Variants in OTUD7A observed in about 807,000 individuals in gnomAD.
OTUD7A encodes the protein OTU domain-containing protein 7A.
OTUD7A carries 12 observed loss-of-function variants against 65.7 expected under a neutral mutation model. The ratio of observed to expected loss-of-function variants is 0.18; its 90% CI spans 0.12 to 0.30. OTUD7A has a LOEUF of 0.30. OTUD7A is among the 10% of genes least tolerant of loss of function. The pLI is 1.00. For synonymous variants in OTUD7A, 641 were observed against 586.3 expected, an observed-to-expected ratio of 1.09 and a Z score of -1.35; for missense variants, 1,148 against 1,304.8, an observed-to-expected ratio of 0.88 and a Z score of 1.85.
chr15:31,623,401 A>C (rs563585053), intron 3 of OTUD7A, among the ~76,000 whole-genome samples: 4 of 152,336 alleles, frequency 2.6e-5, no homozygotes, highest in Admixed American at 6.5e-5. Context: ...GTTGAGCTGC[A>C]GTGGGCTCCA....
At position 31,614,647 on chromosome 15, in the gene OTUD7A, A is replaced by C. The variant is rs978197702; in HGVS notation, c.151+40449T>G. On this transcript the variant is annotated intron_variant, in intron 3 of 12. Coordinates refer to ENST00000307050, the MANE Select transcript of OTUD7A (RefSeq NM_001382637.1). Reference sequence around the variant, plus strand: ...GATGCAAAATAAAAAAAAATTTCAGACACTTATCACCAGGGGACCACACTA... The same window carrying C: ...GATGCAAAATAAAAAAAAATTTCAGCCACTTATCACCAGGGGACCACACTA... Among the ~76,000 whole-genome samples, 6 of 152,292 alleles carry C rather than the reference A, an allele frequency of 3.9e-5. No homozygotes were observed. In the South Asian group the frequency reaches 1.2e-3, roughly 32 times the overall value.
At chr15:31,821,133 C>CTTTTTTTTTT (rs35732957) in intron 1 of OTUD7A, among the ~76,000 whole-genome samples, 2 of 97,466 alleles carry the variant, frequency 2.1e-5, no homozygotes, top group Non-Finnish European at 3.9e-5. Flanking sequence ...TTTTTCATTT[C>CTTTTTTTTTT]TTTTTTTTTT....
chr15:31,484,690 G>A lies in OTUD7A; in HGVS notation c.1406C>T (p.Ser469Leu). Residue 469 changes from serine to leucine, a missense_variant, in exon 13 of 13, where the codon TCG (serine) becomes TTG (leucine). Coordinates refer to ENST00000307050, the MANE Select transcript of OTUD7A (RefSeq NM_001382637.1). The surrounding 1 kb of genome is among the most constrained non-coding windows in gnomAD (Gnocchi z 4.5). ...PLAQPESPTA[S>L]AGEDVQSLAD... ...CAGGGACTGCACGTCCTCCCCTGCC[G>A]AGGCCGTGGGAGACTCCGGCTGTGC... 3 of 1,583,862 alleles carry A rather than the reference G, an allele frequency of 1.9e-6. No individual in the cohort carries two copies. The highest frequency in any genetic ancestry group is 1.7e-6 in the Non-Finnish European group (2 of 1,169,954).
chr15:31,508,244 TG>T (rs1471547288), intron 8 of OTUD7A, among the ~76,000 whole-genome samples: 2 of 152,258 alleles, frequency 1.3e-5, no homozygotes, highest in Admixed American at 1.3e-4. Flanking sequence ...TTGAGTATAG[TG>T]GGTCCTTTTT....
chr15:31,664,944 CTT>C lies in OTUD7A; in HGVS notation c.-99-7869_-99-7868del, dbSNP rs1484713197. 2.0e-5 allele frequency among the ~76,000 whole-genome samples: 3 copies of C among 152,124 alleles called. No individual in the cohort carries two copies. The East Asian group carries it at 5.8e-4, about 29-fold the overall frequency. Reference sequence around the variant, plus strand: ...TTTCCCTACTTTATGTTTTTGTTTGCTTTGTCAAAGATCAGTTGGCTGTAAGT... The same window carrying C: ...TTTCCCTACTTTATGTTTTTGTTTGCTGTCAAAGATCAGTTGGCTGTAAGT... On this transcript the variant is annotated intron_variant, in intron 1 of 12. Coordinates refer to ENST00000307050, the MANE Select transcript of OTUD7A (RefSeq NM_001382637.1).
intron 1 of OTUD7A, among the ~76,000 whole-genome samples, chr15:31,681,900 C>G (rs1346216880): frequency 1.3e-5 from 2 of 151,824 alleles, no homozygotes; most frequent in African/African-American, 4.9e-5. Context: ...AGTATTTGGG[C>G]TGCTGGCCTA....
intron 1 of OTUD7A, among the ~76,000 whole-genome samples, chr15:31,832,160 C>A (rs1896949698): frequency 6.6e-6 from 1 of 152,214 alleles, no homozygotes; most frequent in Admixed American, 6.5e-5. Context: ...GGAGCCCTTA[C>A]CTCCAAGCTT....
intron 1 of OTUD7A, among the ~76,000 whole-genome samples, chr15:31,722,826 A>G (rs1893777218): frequency 6.6e-6 from 1 of 152,230 alleles, no homozygotes; most frequent in Admixed American, 6.5e-5. Context: ...CATCCCAGAG[A>G]CAGCAATACA....
At chr15:31,562,520 T>C (rs892384348) in intron 4 of OTUD7A, among the ~76,000 whole-genome samples, 5 of 151,568 alleles carry the variant, frequency 3.3e-5, no homozygotes, top group African/African-American at 1.2e-4. Flanking sequence ...CTCACTCCTA[T>C]CTCCAGATGA....
At position 31,484,294 on chromosome 15, in the gene OTUD7A, T is replaced by G. The variant is rs745353645; in HGVS notation, c.1802A>C (p.Lys601Thr). The G allele has an allele frequency of 6.3e-7, 1 of 1,595,670 alleles. No homozygotes were observed. The highest frequency in any genetic ancestry group is 2.2e-5 in the East Asian group (1 of 44,564). ...CTCCGCCGGCGACGCGCCCGCTGCC[T>G]TGTCTGTGGGCGACGGCGTGGTCTT... is the stretch of plus-strand genomic sequence containing the variant. ...SEKTTPSPTD[K>T]AAGASPAEKG... Residue 601 changes from lysine to threonine, a missense_variant, in exon 13 of 13, where the codon AAG (lysine) becomes ACG (threonine). This residue lies in a region of OTUD7A where 842 missense variants were observed against 769.5 expected (regional missense o/e 1.09). Transcript: ENST00000307050. This position sits in a 1 kb window ranked among gnomAD's most constrained non-coding sequence, Gnocchi z 4.5.
At chr15:31,742,487 A>G (rs564972994) in intron 1 of OTUD7A, among the ~76,000 whole-genome samples, 7 of 152,208 alleles carry the variant, frequency 4.6e-5, no homozygotes, top group South Asian at 4.1e-4. Flanking sequence ...AATGGAAGGA[A>G]ATTTCTTCTA....
chr15:31,759,822 C>T (rs768833831), intron 1 of OTUD7A, among the ~76,000 whole-genome samples: 3 of 152,080 alleles, frequency 2.0e-5, no homozygotes, highest in South Asian at 2.1e-4. Context: ...CCACCACACC[C>T]GGCCAGAGTC....
intron 3 of OTUD7A, among the ~76,000 whole-genome samples, chr15:31,630,070 G>T (rs1431343327): frequency 2.0e-5 from 3 of 148,230 alleles, no homozygotes; most frequent in African/African-American, 5.0e-5. Flanking sequence ...TTTTTGAAGG[G>T]TTTTTTGTGT....
intron 3 of OTUD7A, among the ~76,000 whole-genome samples, chr15:31,654,632 T>A (rs1180621571): frequency 6.6e-6 from 1 of 152,196 alleles, no homozygotes; most frequent in Non-Finnish European, 1.5e-5. Flanking sequence ...AACTACACTT[T>A]CATTTTAGTT....
intron 1 of OTUD7A, among the ~76,000 whole-genome samples, chr15:31,728,840 G>A (rs562966498): frequency 6.6e-6 from 1 of 152,342 alleles, no homozygotes; most frequent in African/African-American, 2.4e-5. Context: ...GTCCAGGTAG[G>A]GATGGACTAT....
chr15:31,722,567 G>C (rs1423647128), intron 1 of OTUD7A, among the ~76,000 whole-genome samples: 1 of 152,248 alleles, frequency 6.6e-6, no homozygotes, highest in Non-Finnish European at 1.5e-5. Flanking sequence ...CTGTCAGGGA[G>C]ACGAGGTTCA....
At chr15:31,670,758 G>A (rs7174765) in intron 1 of OTUD7A, among the ~76,000 whole-genome samples, 6,720 of 152,182 alleles carry the variant, frequency 0.044, 490 homozygotes, top group African/African-American at 0.15. Flanking sequence ...TTGGGAGGCC[G>A]AAGCGGGCGG....
intron 1 of OTUD7A, among the ~76,000 whole-genome samples, chr15:31,821,922 G>A (rs541405161): frequency 6.6e-6 from 1 of 152,252 alleles, no homozygotes; most frequent in African/African-American, 2.4e-5. Flanking sequence ...TTTGGAGAAA[G>A]GTCTGGTCAA....
At chr15:31,784,708 G>A (rs1429738223) in intron 1 of OTUD7A, among the ~76,000 whole-genome samples, 1 of 152,142 alleles carries the variant, frequency 6.6e-6, no homozygotes, top group East Asian at 1.9e-4. Flanking sequence ...ATTTGCTTCA[G>A]GAAGAAGGAA....
Sources: allele counts gnomAD v4.1 joint callset (sites outside exome capture counted in the v4.1 genomes callset), GRCh38; gene constraint gnomAD v4.1.1; regional missense constraint gnomAD v4.1.1; non-coding constraint Gnocchi (gnomAD v3.1); transcripts MANE v1.5; gene names NCBI Gene and HGNC (gene_info 2026-07-23, HGNC 2026-07-21).